CNTN3: variants seen among roughly 807,000 people sequenced by gnomAD.
CNTN3 encodes the protein contactin-3.
CNTN3 carries 60 observed loss-of-function variants against 119.1 expected under a neutral mutation model. The ratio of observed to expected loss-of-function variants is 0.50; its 90% CI spans 0.41 to 0.62. CNTN3 has a LOEUF of 0.62. CNTN3 is among the 20% of genes least tolerant of loss of function. The pLI is 0.00. For synonymous variants in CNTN3, 450 were observed against 438.7 expected (o/e 1.03, Z -0.32); for missense variants, 1,101 against 1,242.4 (o/e 0.89, Z 1.71).
intron 5 of CNTN3, among the ~76,000 whole-genome samples, chr3:74,415,845 T>C (rs1476954597): frequency 6.6e-6 from 1 of 152,150 alleles, no homozygotes; most frequent in Non-Finnish European, 1.5e-5. Context: ...AAGGCTCTGT[T>C]CCAAACTCTC....
At chr3:74,533,476 C>CA (rs1176067085) in intron 1 of CNTN3, among the ~76,000 whole-genome samples, 1 of 152,030 alleles carries the variant, frequency 6.6e-6, no homozygotes, top group Non-Finnish European at 1.5e-5. Context: ...GGCAAACACT[C>CA]AGATTGAACA....
intron 19 of CNTN3, among the ~76,000 whole-genome samples, chr3:74,289,004 A>G (rs1341317001): frequency 6.6e-6 from 1 of 152,214 alleles, no homozygotes; most frequent in African/African-American, 2.4e-5. Flanking sequence ...GCCACATGGC[A>G]CATGATCAAC....
Position 74,301,458 on chromosome 3 carries a change from T to C in CNTN3, c.2035A>G (p.Asn679Asp). 1.2e-6 allele frequency: 2 copies of C among 1,614,158 alleles called. No individual in the cohort carries two copies. The highest frequency in any genetic ancestry group is 1.1e-5 in the South Asian group (1 of 91,082). The change falls in exon 16 of 23, where the codon AAC becomes GAC. Residue 679 changes from asparagine to aspartate, a missense_variant. Physicochemically the swap from Asn to Asp is conservative, Grantham distance 23. Coordinates refer to ENST00000263665, the MANE Select transcript of CNTN3 (RefSeq NM_020872.3). ...CTTGGTTCTCCACCTCCAATTTTGT[T>C]ACTGGCTACAACCCGAAATTCATAT... ...VEYEFRVVAS[N>D]KIGGGEPSLP...
intron 1 of CNTN3, among the ~76,000 whole-genome samples, chr3:74,579,917 T>C (rs910525683): frequency 6.6e-6 from 1 of 151,858 alleles, no homozygotes; most frequent in South Asian, 2.1e-4. Context: ...GGACAAATAA[T>C]AGAGAAAATC....
intron 13 of CNTN3, among the ~76,000 whole-genome samples, chr3:74,332,934 T>A (rs1703301842): frequency 1.3e-5 from 2 of 152,204 alleles, no homozygotes; most frequent in South Asian, 4.1e-4. Flanking sequence ...GAAGAAGAAA[T>A]TGTTAACTTG....
In CNTN3 at chr3:74,576,591, G is replaced by A. The variant is rs1214855696; in HGVS notation, c.-81+37800C>T. The stretch of plus-strand genomic sequence containing the variant: ...AAGAGGTTCTTTTTATGTAGCTGAG[G>A]TAAAAATCAGAGTGATCACACTTAT... On this transcript the variant is annotated intron_variant, in intron 1 of 22. Transcript: ENST00000263665. Among the ~76,000 whole-genome samples the A allele has an allele frequency of 7.2e-5, 11 of 152,098 alleles. No homozygotes were observed. In the East Asian group the frequency reaches 1.9e-3, roughly 27 times the overall value.
chr3:74,487,196 G>A (rs1161023677), intron 3 of CNTN3, among the ~76,000 whole-genome samples: 1 of 152,064 alleles, frequency 6.6e-6, no homozygotes, highest in Non-Finnish European at 1.5e-5. Context: ...CACTACCTAG[G>A]GGGTCGGAAA....
intron 1 of CNTN3, among the ~76,000 whole-genome samples, chr3:74,528,055 ATG>A (rs1703644542): frequency 6.6e-6 from 1 of 151,920 alleles, no homozygotes; most frequent in African/African-American, 2.4e-5. Flanking sequence ...ACATATAATA[ATG>A]AAAGGAAAAC....
Position 74,319,785 on chromosome 3 carries a change from T to C in CNTN3, c.1668+14950A>G, listed in dbSNP as rs1014260754. Among the ~76,000 whole-genome samples, 3 of 147,620 alleles carry C rather than the reference T, an allele frequency of 2.0e-5. 1 individual carries two copies. Among genetic ancestry groups the C allele is most frequent in the South Asian group, 4.4e-4 (2 of 4,554 alleles). On this transcript the variant is annotated intron_variant, in intron 13 of 22. Transcript: ENST00000263665. ...CTACTCATCTGACAAAGGGCTAATA[T>C]CCAGAATCTACAATGAACTCAAACA...
chr3:74,346,029 C>T (rs1168202863), intron 11 of CNTN3, among the ~76,000 whole-genome samples: 3 of 152,024 alleles, frequency 2.0e-5, no homozygotes, highest in African/African-American at 7.2e-5. Context: ...TCAGTGTTCA[C>T]TTTGTGTATT....
At chr3:74,560,619 T>C (rs1704138453) in intron 1 of CNTN3, among the ~76,000 whole-genome samples, 1 of 152,186 alleles carries the variant, frequency 6.6e-6, no homozygotes, top group Non-Finnish European at 1.5e-5. Context: ...AGTGTGGTGA[T>C]TCCTCAAGGA....
At chr3:74,382,352 T>G (rs2106813189) in intron 5 of CNTN3, among the ~76,000 whole-genome samples, 1 of 152,340 alleles carries the variant, frequency 6.6e-6, no homozygotes, top group Non-Finnish European at 1.5e-5. Flanking sequence ...CTAGCTCACA[T>G]ACTTATCCTT....
intron 4 of CNTN3, among the ~76,000 whole-genome samples, chr3:74,473,267 G>T (rs963682560): frequency 2.0e-5 from 3 of 151,526 alleles, no homozygotes; most frequent in Non-Finnish European, 4.4e-5. Flanking sequence ...GTTATGTGAG[G>T]GGGTAGACTC....
intron 20 of CNTN3, among the ~76,000 whole-genome samples, chr3:74,272,056 T>C (rs563583080): frequency 1.4e-4 from 22 of 152,196 alleles, no homozygotes; most frequent in Non-Finnish European, 2.6e-4. Flanking sequence ...TTATAAACTA[T>C]AAGCAGAACA....
intron 5 of CNTN3, among the ~76,000 whole-genome samples, chr3:74,416,363 G>C (rs1701520156): frequency 6.6e-6 from 1 of 152,190 alleles, no homozygotes; most frequent in Non-Finnish European, 1.5e-5. Flanking sequence ...TATAAGGATA[G>C]GTTCTGTGAT....
chr3:74,394,189 C>T (rs1371797467), intron 5 of CNTN3, among the ~76,000 whole-genome samples: 1 of 152,064 alleles, frequency 6.6e-6, no homozygotes, highest in Non-Finnish European at 1.5e-5. Context: ...CAAAACTGTT[C>T]TTCTTGTTTA....
chr3:74,499,775 G>A lies in CNTN3; in HGVS notation c.66C>T (p.Leu22=), dbSNP rs138223664. The part of the protein sequence containing the change: ...SFIGCLGGEL[L]LQGPVFIKEP... ...CTTTGATAAATACAGGGCCTTGTAA[G>A]AGAAGCTCACCTATATGGGTGGGAG... Residue 22 remains leucine, a synonymous_variant, in exon 3 of 23, where the codon CTC becomes CTT. Transcript: ENST00000263665. The A allele has an allele frequency of 3.7e-6, 6 of 1,604,530 alleles. No homozygotes were observed. Among genetic ancestry groups the A allele is most frequent in the African/African-American group, 2.7e-5 (2 of 74,238 alleles).
intron 20 of CNTN3, among the ~76,000 whole-genome samples, chr3:74,268,725 C>T (rs1473020290): frequency 6.6e-6 from 1 of 152,092 alleles, no homozygotes; most frequent in Admixed American, 6.6e-5. Flanking sequence ...TGACCATGTT[C>T]TGGTTACTCA....
At chr3:74,437,389 G>C (rs1215132209) in intron 4 of CNTN3, among the ~76,000 whole-genome samples, 2 of 152,014 alleles carry the variant, frequency 1.3e-5, no homozygotes, top group Non-Finnish European at 2.9e-5. Flanking sequence ...GTGAATCCGG[G>C]AGGCAGAGCT....
Sources: gnomAD v4.1 joint callset for allele counts (sites outside exome capture counted in the v4.1 genomes callset) on GRCh38, gnomAD v4.1.1 for gene constraint, MANE v1.5 for transcripts, NCBI Gene and HGNC (gene_info 2026-07-23, HGNC 2026-07-21) for gene names.